Variants in NXPE3 observed in about 807,000 individuals in gnomAD.
NXPE3 encodes the protein neurexophilin and PC-esterase domain family member 3.
A neutral mutation model predicts 46.1 loss-of-function variants in NXPE3; 26 were observed. The observed-to-expected ratio is 0.56, with a 90% CI of 0.41 to 0.78. The LOEUF is 0.78. Ranked by LOEUF, NXPE3 falls within the 30% of genes least tolerant of loss-of-function variation. NXPE3 has a pLI of 0.00. For missense variants in NXPE3, 620 were observed against 686.0 expected (o/e 0.90, Z 1.07); for synonymous variants, 272 against 257.9 (o/e 1.05, Z -0.52).
intron 4 of NXPE3, among the ~76,000 whole-genome samples, chr3:101,789,929 G>A (rs1285241456): frequency 2.6e-5 from 4 of 152,072 alleles, no homozygotes; most frequent in African/African-American, 4.8e-5. Flanking sequence ...GGACTCAAGC[G>A]ATCCTCCTGC....
intron 6 of NXPE3, among the ~76,000 whole-genome samples, chr3:101,814,185 A>C (rs1941860716): frequency 6.6e-6 from 1 of 152,228 alleles, no homozygotes. Flanking sequence ...TTTAATTCTC[A>C]TTCTAGTAAA....
At chr3:101,809,788 C>T (rs1414276852) in intron 6 of NXPE3, among the ~76,000 whole-genome samples, 1 of 152,116 alleles carries the variant, frequency 6.6e-6, no homozygotes, top group African/African-American at 2.4e-5. Flanking sequence ...AGTTTGGCTT[C>T]TTTGTGCCCT....
At chr3:101,788,404 A>G (rs185051686) in intron 4 of NXPE3, among the ~76,000 whole-genome samples, 36 of 152,080 alleles carry the variant, frequency 2.4e-4, no homozygotes, top group African/African-American at 8.0e-4. Flanking sequence ...ATCTGTTTTG[A>G]CTTTTGTTGC....
At chr3:101,800,320 T>C (rs1941071372) in intron 4 of NXPE3, among the ~76,000 whole-genome samples, 1 of 152,220 alleles carries the variant, frequency 6.6e-6, no homozygotes, top group Non-Finnish European at 1.5e-5. Context: ...TACCCATTTG[T>C]ATACCATTTT....
At chr3:101,796,576 C>T (rs1029408072) in intron 4 of NXPE3, among the ~76,000 whole-genome samples, 1 of 152,116 alleles carries the variant, frequency 6.6e-6, no homozygotes, top group South Asian at 2.1e-4. Context: ...CACAGACTTA[C>T]AACAACTAAA....
At chr3:101,819,433 G>A (rs763096451) in intron 7 of NXPE3, among the ~76,000 whole-genome samples, 4 of 152,130 alleles carry the variant, frequency 2.6e-5, no homozygotes, top group African/African-American at 9.7e-5. Flanking sequence ...TTTAATTTGC[G>A]ATGCTATCTG....
At chr3:101,781,791 A>T (rs554304247) in intron 1 of NXPE3, 2 of 152,318 alleles carry the variant, frequency 1.3e-5, no homozygotes, top group South Asian at 4.1e-4. Context: ...AAATAATTAT[A>T]ATAGTTTTTA....
intron 4 of NXPE3, among the ~76,000 whole-genome samples, chr3:101,800,090 T>G (rs1467055521): frequency 1.3e-5 from 2 of 152,194 alleles, no homozygotes; most frequent in Non-Finnish European, 2.9e-5. Context: ...ATTATTTTTC[T>G]TCTGCTTATT....
chr3:101,824,191 C>CAATG lies in NXPE3; in HGVS notation c.*2238_*2241dup, dbSNP rs931395411. 2.0e-5 allele frequency: 3 copies of CAATG among 151,054 alleles called. No individual in the cohort carries two copies. The highest frequency in any genetic ancestry group is 7.3e-5 in the African/African-American group (3 of 40,868). The allele number at this position is 151,054 out of a possible 1,614,324, so 9.4% of individuals were successfully genotyped here. A position where few individuals can be genotyped will look rare whatever the true frequency, so the allele number is the denominator to read the frequency against. The stretch of plus-strand genomic sequence containing the variant: ...TGGCGAGTGCTCAGTGATTCTGATG[C>CAATG]AATGGTGGTATTCCACACTGTGAGA... On this transcript the variant is annotated 3_prime_UTR_variant, in exon 8 of 8. Coordinates refer to ENST00000273347, the MANE Select transcript of NXPE3 (RefSeq NM_145037.4).
chr3:101,825,510 T>C lies in NXPE3; in HGVS notation c.*3556T>C, dbSNP rs1282647731. 2.0e-5 allele frequency: 3 copies of C among 152,334 alleles called. No individual in the cohort carries two copies. In the East Asian group the frequency reaches 5.8e-4, roughly 29 times the overall value. 9.4% of individuals were successfully genotyped at this position (152,334 alleles called of 1,614,324 possible). A position where few individuals can be genotyped will look rare whatever the true frequency, so the allele number is the denominator to read the frequency against. On this transcript the variant is annotated 3_prime_UTR_variant, in exon 8 of 8. Transcript: ENST00000273347. Reference sequence around the variant, plus strand: ...CTATAAAATCTAGAAGAAAAATCTATGGATAAAATCCATAATTCTATCATC... The same window carrying C: ...CTATAAAATCTAGAAGAAAAATCTACGGATAAAATCCATAATTCTATCATC...
chr3:101,798,462 G>A (rs2107286194), intron 4 of NXPE3, among the ~76,000 whole-genome samples: 1 of 151,486 alleles, frequency 6.6e-6, no homozygotes, highest in East Asian at 1.9e-4. Flanking sequence ...ATTGTTCACT[G>A]TAACCTCTAA....
chr3:101,791,141 T>A (rs1378889594), intron 4 of NXPE3, among the ~76,000 whole-genome samples: 1 of 152,154 alleles, frequency 6.6e-6, no homozygotes, highest in Non-Finnish European at 1.5e-5. Flanking sequence ...TTTCCTTCTT[T>A]GTGTTCATAA....
intron 7 of NXPE3, among the ~76,000 whole-genome samples, chr3:101,821,051 A>C (rs1020188516): frequency 6.6e-6 from 1 of 152,230 alleles, no homozygotes; most frequent in Admixed American, 6.5e-5. Flanking sequence ...GATAAAAAAG[A>C]TTGCAATGAT....
intron 7 of NXPE3, among the ~76,000 whole-genome samples, chr3:101,818,786 G>C (rs1250300076): frequency 2.0e-4 from 4 of 19,984 alleles, no homozygotes; most frequent in African/African-American, 4.0e-4. Flanking sequence ...TTTTTTTTGA[G>C]ATGGTGTCTC....
intron 2 of NXPE3, 81 bp downstream of exon 2, chr3:101,782,371 T>A (rs1289645504): frequency 2.0e-5 from 3 of 152,186 alleles, no homozygotes; most frequent in Non-Finnish European, 4.4e-5. Context: ...CTGCCAACAC[T>A]GTTGTTCTTA....
chr3:101,811,727 A>ATTTT (rs33999838), intron 6 of NXPE3, among the ~76,000 whole-genome samples: 34 of 98,618 alleles, frequency 3.4e-4, no homozygotes, highest in Middle Eastern at 7.5e-3. Context: ...GCAGTAGTTA[A>ATTTT]TTTTTTTTTT....
Position 101,825,561 on chromosome 3 carries a change from G to A in NXPE3, c.*3607G>A, listed in dbSNP as rs1395063054. On this transcript the variant is annotated 3_prime_UTR_variant, in exon 8 of 8. Coordinates refer to ENST00000273347, the MANE Select transcript of NXPE3 (RefSeq NM_145037.4). ...TGAATGCAATGAACATTAGCATTTAGGTATATTTTCTTGCAGGTTTTTTAA... is the reference window on the plus strand; with the variant it reads ...TGAATGCAATGAACATTAGCATTTAAGTATATTTTCTTGCAGGTTTTTTAA... 1 of 152,068 alleles carries A rather than the reference G, an allele frequency of 6.6e-6. No individual in the cohort carries two copies. Among genetic ancestry groups the A allele is most frequent in the Non-Finnish European group, 1.5e-5 (1 of 68,016 alleles). The allele number at this position is 152,068 out of a possible 1,614,324, so 9.4% of individuals were successfully genotyped here.
chr3:101,785,713 A>AGG (rs1940132546), intron 4 of NXPE3, 24 bp downstream of exon 4: 51 of 1,595,734 alleles, frequency 3.2e-5, no homozygotes, highest in Non-Finnish European at 4.1e-5. Flanking sequence ...ATAATCCCTC[A>AGG]TAACTAAGGG....
At position 101,823,662 on chromosome 3, in the gene NXPE3, G is replaced by C. The variant is rs1025983629; in HGVS notation, c.*1708G>C. 6.6e-6 allele frequency: 1 copy of C among 152,124 alleles called. No homozygotes were observed. The highest frequency in any genetic ancestry group is 1.5e-5 in the Non-Finnish European group (1 of 68,072). 9.4% of individuals were successfully genotyped at this position (152,124 alleles called of 1,614,324 possible). A position where few individuals can be genotyped will look rare whatever the true frequency, so the allele number is the denominator to read the frequency against. On this transcript the variant is annotated 3_prime_UTR_variant, in exon 8 of 8. Coordinates refer to ENST00000273347, the MANE Select transcript of NXPE3 (RefSeq NM_145037.4). ...GGCCGACAGTCCCAGCTACTAGGGAGGCTAAGGCAGGGTGATTGATTGAGC... is the reference window on the plus strand; with the variant it reads ...GGCCGACAGTCCCAGCTACTAGGGACGCTAAGGCAGGGTGATTGATTGAGC...
Sources: gnomAD v4.1 joint callset for allele counts (sites outside exome capture counted in the v4.1 genomes callset) on GRCh38, gnomAD v4.1.1 for gene constraint, MANE v1.5 for transcripts, NCBI Gene and HGNC (gene_info 2026-07-23, HGNC 2026-07-21) for gene names.